Variants in POU2F3 observed in about 807,000 individuals in gnomAD.
POU2F3 encodes the protein POU class 2 homeobox 3.
Under a neutral mutation model 59.2 loss-of-function variants are expected in POU2F3, and 23 were observed. The ratio of observed to expected loss-of-function variants is 0.39; its 90% CI spans 0.28 to 0.55. The LOEUF (loss-of-function observed/expected upper bound fraction) is 0.55. Ranked by LOEUF, POU2F3 falls within the 20% of genes least tolerant of loss-of-function variation. The pLI is 0.66. For missense variants in POU2F3, 473 were observed against 544.5 expected (o/e 0.87, Z 1.31); for synonymous variants, 190 against 214.6 (o/e 0.89, Z 1.00).
At position 120,285,444 on chromosome 11, in the gene POU2F3, A is replaced by G. The variant is rs1940744255; in HGVS notation, c.133-12821A>G. On this transcript the variant is annotated intron_variant, in intron 3 of 12. Transcript: ENST00000543440. This position sits in a 1 kb window ranked among gnomAD's most constrained non-coding sequence, Gnocchi z 4.3. Reference sequence around the variant, plus strand: ...TGGCAGCCCTTCAATATTTGAGAAGAGTCATCACCCTGAAATCATCCCTTT... The same window carrying G: ...TGGCAGCCCTTCAATATTTGAGAAGGGTCATCACCCTGAAATCATCCCTTT... 6.6e-6 allele frequency among the ~76,000 whole-genome samples: 1 copy of G among 152,222 alleles called. No homozygotes were observed. The highest frequency in any genetic ancestry group is 6.5e-5 in the Admixed American group (1 of 15,282).
intron 1 of POU2F3, 56 bp from the exon 2 acceptor site, chr11:120,246,393 G>A: frequency 1.3e-6 from 2 of 1,567,758 alleles, no homozygotes; most frequent in South Asian, 1.1e-5. Flanking sequence ...AGCCACATAT[G>A]TCATAGCAAG....
chr11:120,242,373 G>C (rs1013888064), intron 1 of POU2F3, among the ~76,000 whole-genome samples: 12 of 152,122 alleles, frequency 7.9e-5, no homozygotes, highest in Non-Finnish European at 1.6e-4. Context: ...CTGTGAAGGA[G>C]GATCGCTCTT....
At chr11:120,315,491 C>T in intron 11 of POU2F3, 64 bp downstream of exon 11, 2 of 1,472,412 alleles carry the variant, frequency 1.4e-6, no homozygotes, top group Non-Finnish European at 1.9e-6. Flanking sequence ...GATATTAGAA[C>T]TGAAAGGTAT....
intron 2 of POU2F3, among the ~76,000 whole-genome samples, chr11:120,260,614 G>A (rs1279160044): frequency 6.6e-6 from 1 of 152,218 alleles, no homozygotes; most frequent in Non-Finnish European, 1.5e-5. Flanking sequence ...GGACCTAGAT[G>A]TTCTCATGTT....
intron 3 of POU2F3, among the ~76,000 whole-genome samples, chr11:120,278,763 AG>A (rs1940440701): frequency 6.6e-6 from 1 of 152,136 alleles, no homozygotes; most frequent in Non-Finnish European, 1.5e-5. Context: ...AGGGCCTGTC[AG>A]GGGGTGGAGG....
At chr11:120,284,840 C>G (rs78952625) in intron 3 of POU2F3, among the ~76,000 whole-genome samples, 4 of 152,100 alleles carry the variant, frequency 2.6e-5, no homozygotes, top group African/African-American at 9.7e-5. Context: ...TCCTTGAGGC[C>G]GTCTGTCCCC....
rs544747015 is a variant in POU2F3, at chr11:120,315,425, C to T, written c.1133C>T (p.Thr378Ile). 5 of 1,612,076 alleles carry T rather than the reference C, an allele frequency of 3.1e-6. No individual in the cohort carries two copies. In the East Asian group the frequency reaches 6.7e-5, roughly 22 times the overall value. ...CCTGTCCACAGTACCATGCCTGGAA[C>T]AGGTGAGCTTTAAAATGAGATTTCT... ...VPPVHSTMPG[T>I]VTSSCSPGNN... Residue 378 changes from threonine (T) to isoleucine (I), a missense_variant and splice_region_variant, in exon 11 of 13, where the codon ACA becomes ATA. Coordinates refer to ENST00000543440, the MANE Select transcript of POU2F3 (RefSeq NM_014352.4).
intron 3 of POU2F3, among the ~76,000 whole-genome samples, chr11:120,282,906 T>C (rs1000221843): frequency 1.3e-5 from 2 of 152,190 alleles, no homozygotes; most frequent in Non-Finnish European, 2.9e-5. Context: ...GGAAGTGGGT[T>C]TTGCGGGCCA....
intron 9 of POU2F3, among the ~76,000 whole-genome samples, chr11:120,308,747 GC>G (rs1941566819): frequency 6.6e-6 from 1 of 151,868 alleles, no homozygotes; most frequent in Admixed American, 6.6e-5. Context: ...AGACCAGCCT[GC>G]CCAACATGGT....
chr11:120,257,154 T>G (rs1374970275), intron 2 of POU2F3, among the ~76,000 whole-genome samples: 1 of 152,224 alleles, frequency 6.6e-6, no homozygotes, highest in East Asian at 1.9e-4. Context: ...AGTGTTCTGC[T>G]GCCAAAGTGT....
Position 120,318,516 on chromosome 11 carries a change from C to T in POU2F3, c.*124C>T, listed in dbSNP as rs1322153114. 23 of 993,904 alleles carry T rather than the reference C, an allele frequency of 2.3e-5. No homozygotes were observed. The Admixed American group carries it at 4.6e-4, about 20-fold the overall frequency. 61.6% of individuals were successfully genotyped at this position (993,904 alleles called of 1,614,324 possible). A position where few individuals can be genotyped will look rare whatever the true frequency, so the allele number is the denominator to read the frequency against. Reference sequence around the variant, plus strand: ...GAAGAAAATCTCCACTATCAATGAACCCAGACTCTTGTCTTCTTCAAGAGC... The same window carrying T: ...GAAGAAAATCTCCACTATCAATGAATCCAGACTCTTGTCTTCTTCAAGAGC... On this transcript the variant is annotated 3_prime_UTR_variant, in exon 13 of 13. Transcript: ENST00000543440.
At position 120,253,882 on chromosome 11, in the gene POU2F3, C is replaced by T. The variant is rs1161629908; in HGVS notation, c.97+7365C>T. The stretch of plus-strand genomic sequence containing the variant: ...ACCTCCTTACCATTCCTCTCACTCC[C>T]TCCCTGGAGATGTTGGGGGATGATG... On this transcript the variant is annotated intron_variant, in intron 2 of 12. Transcript: ENST00000543440. 3.3e-5 allele frequency among the ~76,000 whole-genome samples: 5 copies of T among 152,218 alleles called. No homozygotes were observed. In the East Asian group the frequency reaches 9.6e-4, roughly 29 times the overall value.
intron 3 of POU2F3, among the ~76,000 whole-genome samples, chr11:120,288,127 C>CAAAAAAAAA (rs1491240764): frequency 3.9e-4 from 3 of 7,642 alleles, no homozygotes; most frequent in African/African-American, 1.0e-3. Context: ...AACAAAAAAA[C>CAAAAAAAAA]CAAAAAAAAA....
intron 2 of POU2F3, among the ~76,000 whole-genome samples, chr11:120,263,884 TAGG>T (rs1014407166): frequency 2.0e-5 from 3 of 152,226 alleles, no homozygotes; most frequent in African/African-American, 7.2e-5. Flanking sequence ...TAGGTCTGAA[TAGG>T]AGGTTAGTTT....
upstream of POU2F3, among the ~76,000 whole-genome samples, chr11:120,237,901 T>G (rs916787023): frequency 6.6e-6 from 1 of 152,114 alleles, no homozygotes; most frequent in Non-Finnish European, 1.5e-5. Flanking sequence ...GGGACCCCCT[T>G]GGGCCTCCAA....
At chr11:120,259,279 A>C (rs1939494984) in intron 2 of POU2F3, 1 of 152,208 alleles carries the variant, frequency 6.6e-6, no homozygotes, top group South Asian at 2.1e-4. Context: ...AAAACTCCCC[A>C]ATCCACAGAC....
intron 1 of POU2F3, among the ~76,000 whole-genome samples, chr11:120,244,319 G>C (rs923646194): frequency 6.6e-6 from 1 of 152,182 alleles, no homozygotes; most frequent in African/African-American, 2.4e-5. Context: ...GAAGGGAAGC[G>C]GACTAGCATC....
At chr11:120,242,979 G>C (rs1217585199) in intron 1 of POU2F3, among the ~76,000 whole-genome samples, 1 of 152,134 alleles carries the variant, frequency 6.6e-6, no homozygotes, top group Admixed American at 6.5e-5. Flanking sequence ...GTTTGCCCCA[G>C]GTGTCTCTTT....
rs1459488602 is a variant in POU2F3, at chr11:120,305,168, G to A, written c.583G>A (p.Ala195Thr). The A allele has an allele frequency of 6.2e-7, 1 of 1,613,732 alleles. No individual in the cohort carries two copies. The highest frequency in any genetic ancestry group is 1.3e-5 in the African/African-American group (1 of 74,820). ...TGACCTCGAGGAGCTGGAGAAGTTTGCCAAGACCTTCAAGCAGAGGCGCAT... is the reference window on the plus strand; with the variant it reads ...TGACCTCGAGGAGCTGGAGAAGTTTACCAAGACCTTCAAGCAGAGGCGCAT... ...PSDLEELEKF[A>T]KTFKQRRIKL... The change falls in exon 7 of 13, where the codon GCC becomes ACC. Residue 195 changes from alanine (A) to threonine (T), a missense_variant. Coordinates refer to ENST00000543440, the MANE Select transcript of POU2F3 (RefSeq NM_014352.4).
Sources: allele counts gnomAD v4.1 joint callset (sites outside exome capture counted in the v4.1 genomes callset), GRCh38; gene constraint gnomAD v4.1.1; non-coding constraint Gnocchi (gnomAD v3.1); transcripts MANE v1.5; gene names NCBI Gene and HGNC (gene_info 2026-07-23, HGNC 2026-07-21).